The following ANKS1B variants were observed in gnomAD, a reference collection of about 807,000 sequenced individuals.
ANKS1B encodes ankyrin repeat and sterile alpha motif domain-containing protein 1B.
Under a neutral mutation model 148.3 loss-of-function variants are expected in ANKS1B, and 36 were observed. That is an observed-to-expected ratio of 0.24 (90% CI 0.19 to 0.32). The LOEUF (loss-of-function observed/expected upper bound fraction) is 0.32. Among genes scored for constraint, ANKS1B ranks in the 10% least tolerant of loss-of-function variants. ANKS1B has a pLI of 1.00. For synonymous variants in ANKS1B, 542 were observed against 560.8 expected, an observed-to-expected ratio of 0.97 and a Z score of 0.47; for missense variants, 1,157 against 1,542.6, an observed-to-expected ratio of 0.75 and a Z score of 4.19.
intron 12 of ANKS1B, among the ~76,000 whole-genome samples, chr12:99,331,972 G>A (rs1262838017): frequency 1.3e-5 from 2 of 151,998 alleles, no homozygotes; most frequent in African/African-American, 2.4e-5. Context: ...CCCTAACACT[G>A]CCTCAAAAAA....
At chr12:99,484,888 A>C (rs1277095833) in intron 10 of ANKS1B, among the ~76,000 whole-genome samples, 1 of 149,916 alleles carries the variant, frequency 6.7e-6, no homozygotes, top group Non-Finnish European at 1.5e-5. Context: ...TTTTGCCCTC[A>C]GTTTATATGA....
At chr12:99,164,550 T>C (rs1287610953) in intron 14 of ANKS1B, among the ~76,000 whole-genome samples, 1 of 152,102 alleles carries the variant, frequency 6.6e-6, no homozygotes, top group Admixed American at 6.6e-5. Context: ...TTCCCTGCTC[T>C]AATGATCAGA....
chr12:99,929,845 C>G (rs2094567631), intron 1 of ANKS1B, among the ~76,000 whole-genome samples: 1 of 151,310 alleles, frequency 6.6e-6, no homozygotes, highest in Non-Finnish European at 1.5e-5. Context: ...CTGTTCTGTT[C>G]CATTGGTCTA....
At chr12:99,111,204 G>A (rs370224174) in intron 15 of ANKS1B, among the ~76,000 whole-genome samples, 10 of 152,240 alleles carry the variant, frequency 6.6e-5, no homozygotes, top group East Asian at 3.9e-4. Flanking sequence ...CTGCCTCCAC[G>A]AAATTTACTT....
At chr12:99,357,560 G>C (rs2152415646) in intron 12 of ANKS1B, among the ~76,000 whole-genome samples, 1 of 152,222 alleles carries the variant, frequency 6.6e-6, no homozygotes, top group African/African-American at 2.4e-5. Context: ...CGCTGCCTGA[G>C]AACATAAGCT....
intron 22 of ANKS1B, among the ~76,000 whole-genome samples, chr12:98,784,456 A>C (rs1042590351): frequency 3.9e-5 from 6 of 152,214 alleles, no homozygotes; most frequent in Admixed American, 3.9e-4. Context: ...CAAGGCCTAA[A>C]ATGGTGTGCC....
chr12:99,197,493 G>A (rs1208236693), intron 14 of ANKS1B, among the ~76,000 whole-genome samples: 1 of 152,102 alleles, frequency 6.6e-6, no homozygotes, highest in African/African-American at 2.4e-5. Context: ...ATGTTAACTT[G>A]CAAGACAAAA....
chr12:98,995,990 C>A (rs991476256), intron 17 of ANKS1B, among the ~76,000 whole-genome samples: 4 of 152,092 alleles, frequency 2.6e-5, no homozygotes, highest in African/African-American at 9.7e-5. Flanking sequence ...CAGAAACTAG[C>A]CATGGCTGGG....
chr12:98,793,304 T>C (rs1053612380), intron 22 of ANKS1B, among the ~76,000 whole-genome samples: 1 of 152,234 alleles, frequency 6.6e-6, no homozygotes, highest in Non-Finnish European at 1.5e-5. Flanking sequence ...TAAATGTCTA[T>C]TCTGGTCATT....
chr12:99,091,707 G>A (rs1465541283), intron 15 of ANKS1B, among the ~76,000 whole-genome samples: 1 of 152,120 alleles, frequency 6.6e-6, no homozygotes, highest in East Asian at 1.9e-4. Context: ...GATAGCAGTT[G>A]GTGTTCATTA....
chr12:99,725,333 CA>C (rs1309827213), intron 8 of ANKS1B, among the ~76,000 whole-genome samples: 1 of 151,858 alleles, frequency 6.6e-6, no homozygotes, highest in East Asian at 1.9e-4. Context: ...AAATGAAAAG[CA>C]AAAAGAAAGC....
chr12:99,258,079 T>C (rs993275574), intron 12 of ANKS1B, among the ~76,000 whole-genome samples: 2 of 152,214 alleles, frequency 1.3e-5, no homozygotes, highest in Non-Finnish European at 2.9e-5. Context: ...TATTTAAAAA[T>C]GTACATTTGT....
chr12:99,398,843 C>A (rs955368154), intron 12 of ANKS1B, among the ~76,000 whole-genome samples: 1 of 152,074 alleles, frequency 6.6e-6, no homozygotes, highest in Non-Finnish European at 1.5e-5. Flanking sequence ...TTTGTAAAAC[C>A]TCTATCCGTC....
At chr12:99,704,951 A>G (rs1232506464) in intron 8 of ANKS1B, among the ~76,000 whole-genome samples, 1 of 152,080 alleles carries the variant, frequency 6.6e-6, no homozygotes, top group Non-Finnish European at 1.5e-5. Flanking sequence ...AGGAAACTAC[A>G]GTAACAAAAT....
At position 99,462,303 on chromosome 12, in the gene ANKS1B, G is replaced by C. The variant is rs547391156; in HGVS notation, c.1439-18494C>G. On this transcript the variant is annotated intron_variant, in intron 10 of 26. Transcript: ENST00000683438. ...CTTCCAGGTGCAAGCTGCTTTCAAT[G>C]TCAGGTCAACACAAGTGTATAATAG... Among the ~76,000 whole-genome samples the C allele has an allele frequency of 2.0e-5, 3 of 152,292 alleles. 1 individual carries two copies. Among genetic ancestry groups the C allele is most frequent in the South Asian group, 4.1e-4 (2 of 4,830 alleles).
chr12:98,804,433 T>TA (rs397742916), intron 20 of ANKS1B, among the ~76,000 whole-genome samples: 3 of 150,806 alleles, frequency 2.0e-5, no homozygotes, highest in East Asian at 1.9e-4. Context: ...TTTTTTTTTT[T>TA]AAACTTAGAT....
In ANKS1B at chr12:98,744,845, A is replaced by C. The variant is rs896332944; in HGVS notation, c.*894T>G. The stretch of plus-strand genomic sequence containing the variant: ...TAAAACACTGTGAAGATTAAAAAAC[A>C]ATCTTGGCAGGCTGATGGCTGCGTC... On this transcript the variant is annotated 3_prime_UTR_variant, in exon 27 of 27. Coordinates refer to ENST00000683438, the MANE Select transcript of ANKS1B (RefSeq NM_001352186.2). The C allele has an allele frequency of 1.2e-5, 12 of 985,610 alleles. No homozygotes were observed. Among genetic ancestry groups the C allele is most frequent in the Non-Finnish European group, 1.4e-5 (12 of 829,896 alleles). The allele number at this position is 985,610 out of a possible 1,614,324, so 61.1% of individuals were successfully genotyped here.
At chr12:99,878,381 G>A (rs1226037497) in intron 1 of ANKS1B, among the ~76,000 whole-genome samples, 1 of 152,170 alleles carries the variant, frequency 6.6e-6, no homozygotes, top group Non-Finnish European at 1.5e-5. Flanking sequence ...ATGAAGAAAA[G>A]CAAGGGTTGA....
At chr12:99,427,645 G>T (rs2095285547) in intron 11 of ANKS1B, among the ~76,000 whole-genome samples, 1 of 152,128 alleles carries the variant, frequency 6.6e-6, no homozygotes. Context: ...CTCTTGAATA[G>T]AGGCTCCTTG....
Sources: gnomAD v4.1 joint callset for allele counts (sites outside exome capture counted in the v4.1 genomes callset) on GRCh38, gnomAD v4.1.1 for gene constraint, MANE v1.5 for transcripts, NCBI Gene and HGNC (gene_info 2026-07-23, HGNC 2026-07-21) for gene names.